The following CRY1 variants were observed in gnomAD, a reference collection of about 807,000 sequenced individuals.
CRY1 encodes the protein cryptochrome circadian regulator 1, also known as cryptochrome-1.
A neutral mutation model predicts 76.0 loss-of-function variants in CRY1; 45 were observed. The observed-to-expected ratio is 0.59, with a 90% CI of 0.47 to 0.76. The LOEUF (loss-of-function observed/expected upper bound fraction) is 0.76, where lower values mean the gene tolerates loss of function less well. CRY1 is among the 30% of genes least tolerant of loss of function. The probability of loss-of-function intolerance (pLI) is 0.00; values close to 1 mark genes in which losing one functional copy is unlikely to be tolerated. For synonymous variants in CRY1, 248 were observed against 244.0 expected (o/e 1.02, Z -0.15); for missense variants, 587 against 716.4 (o/e 0.82, Z 2.06).
At chr12:107,070,231 T>C (rs1051010405) in intron 1 of CRY1, among the ~76,000 whole-genome samples, 5 of 152,212 alleles carry the variant, frequency 3.3e-5, no homozygotes, top group Admixed American at 6.5e-5. Context: ...AACAGGTAGC[T>C]ATCATTAAGA....
chr12:107,016,296 T>A (rs551349744), intron 2 of CRY1, among the ~76,000 whole-genome samples: 4 of 152,168 alleles, frequency 2.6e-5, no homozygotes, highest in African/African-American at 7.2e-5. Context: ...GGTGACAAAG[T>A]GAGACTTGGT....
chr12:107,048,087 A>AT (rs35101973), intron 1 of CRY1, among the ~76,000 whole-genome samples: 102,872 of 149,838 alleles, frequency 0.69, 35,920 homozygotes, highest in East Asian at 0.97. Flanking sequence ...ATCCATTCAG[A>AT]TTTTTTTTTT....
At chr12:107,032,540 C>T (rs574086332) in intron 1 of CRY1, among the ~76,000 whole-genome samples, 6 of 152,070 alleles carry the variant, frequency 3.9e-5, no homozygotes, top group African/African-American at 1.4e-4. Context: ...GTCACAAATC[C>T]TCTCTGTATT....
At chr12:107,082,157 A>AAT (rs994033097) in intron 1 of CRY1, among the ~76,000 whole-genome samples, 2 of 151,988 alleles carry the variant, frequency 1.3e-5, no homozygotes, top group Admixed American at 6.6e-5. Flanking sequence ...AATTATCTTA[A>AAT]ATATATATAT....
intron 3 of CRY1, among the ~76,000 whole-genome samples, chr12:107,002,549 T>C (rs539955961): frequency 6.8e-4 from 103 of 152,174 alleles, no homozygotes; most frequent in Non-Finnish European, 1.1e-3. Context: ...TAAAATCTAC[T>C]TATTTGATTA....
intron 1 of CRY1, among the ~76,000 whole-genome samples, chr12:107,048,866 T>G (rs907872080): frequency 6.6e-6 from 1 of 152,214 alleles, no homozygotes; most frequent in African/African-American, 2.4e-5. Context: ...CTAATGTGGA[T>G]TTCCTATGAG....
intron 3 of CRY1, among the ~76,000 whole-genome samples, chr12:107,003,165 A>T (rs1952331688): frequency 6.6e-6 from 1 of 152,220 alleles, no homozygotes; most frequent in African/African-American, 2.4e-5. Context: ...TATGTCACAT[A>T]CTTAGAACAC....
At chr12:107,081,498 C>A (rs193218488) in intron 1 of CRY1, among the ~76,000 whole-genome samples, 233 of 152,086 alleles carry the variant, frequency 1.5e-3, no homozygotes, top group African/African-American at 5.2e-3. Context: ...TTTACCACCA[C>A]CTGATACATT....
At chr12:107,022,322 A>G (rs1952568672) in intron 1 of CRY1, 130 bp from the exon 2 acceptor site, 4 of 410,078 alleles carry the variant, frequency 9.8e-6, no homozygotes, top group Non-Finnish European at 1.7e-5. Flanking sequence ...ATTGATATAT[A>G]CTTTTTCCAA....
At chr12:107,088,155 A>G (rs951631946) in intron 1 of CRY1, among the ~76,000 whole-genome samples, 1 of 152,258 alleles carries the variant, frequency 6.6e-6, no homozygotes, top group Admixed American at 6.5e-5. Flanking sequence ...GTTATCCCCA[A>G]TGTTGGAGGT....
intron 1 of CRY1, among the ~76,000 whole-genome samples, chr12:107,076,943 G>T (rs186737036): frequency 6.6e-6 from 1 of 152,176 alleles, no homozygotes; most frequent in East Asian, 1.9e-4. Context: ...CTTCCACCAT[G>T]ATTGTAACCT....
chr12:107,044,776 A>G (rs1273097923), intron 1 of CRY1, among the ~76,000 whole-genome samples: 1 of 152,208 alleles, frequency 6.6e-6, no homozygotes, highest in Non-Finnish European at 1.5e-5. Context: ...TTGATCAAAA[A>G]GAAAGAATCT....
At chr12:107,080,300 T>G (rs1953306150) in intron 1 of CRY1, among the ~76,000 whole-genome samples, 1 of 151,976 alleles carries the variant, frequency 6.6e-6, no homozygotes, top group African/African-American at 2.4e-5. Flanking sequence ...CAAGCTGAGT[T>G]TGAGGTAATG....
chr12:106,993,008 G>A lies in CRY1; in HGVS notation c.1614C>T (p.His538=). The A allele has an allele frequency of 6.2e-7, 1 of 1,614,044 alleles. No homozygotes were observed. The highest frequency in any genetic ancestry group is 8.5e-7 in the Non-Finnish European group (1 of 1,179,916). Residue 538 remains histidine, a synonymous_variant, in exon 11 of 13, where the codon CAC becomes CAT. Coordinates refer to ENST00000008527, the MANE Select transcript of CRY1 (RefSeq NM_004075.5). ...TTTGCTGACTGTCGCCATGAGCATA[G>A]TGTAAAATACCACTCCCTTGAGAGC... ...GSCSQGSGIL[H]YAHGDSQQTH...
At chr12:107,082,058 G>T (rs1953332693) in intron 1 of CRY1, among the ~76,000 whole-genome samples, 1 of 151,936 alleles carries the variant, frequency 6.6e-6, no homozygotes, top group African/African-American at 2.4e-5. Context: ...CCTAGTCTCT[G>T]ATAAAACAGA....
chr12:107,003,806 G>C (rs1424608874), intron 3 of CRY1, among the ~76,000 whole-genome samples: 1 of 144,294 alleles, frequency 6.9e-6, no homozygotes, highest in Non-Finnish European at 1.5e-5. Context: ...ATAAACACTT[G>C]ATTTTTTTTT....
At chr12:107,036,557 T>C (rs542105077) in intron 1 of CRY1, among the ~76,000 whole-genome samples, 12 of 151,728 alleles carry the variant, frequency 7.9e-5, no homozygotes, top group Non-Finnish European at 1.6e-4. Context: ...CCAACTGCAA[T>C]GACTTCCCAG....
intron 1 of CRY1, among the ~76,000 whole-genome samples, chr12:107,040,927 A>G (rs1489959779): frequency 6.6e-6 from 1 of 151,686 alleles, no homozygotes; most frequent in Non-Finnish European, 1.5e-5. Context: ...TTTAAAAAAA[A>G]AAAAAAGAGA....
chr12:107,069,617 G>T (rs1433588112), intron 1 of CRY1, among the ~76,000 whole-genome samples: 1 of 74,618 alleles, frequency 1.3e-5, no homozygotes, highest in Non-Finnish European at 2.4e-5. Context: ...TATATAAAAA[G>T]TATATATATA....
Sources: gnomAD v4.1 joint callset for allele counts (sites outside exome capture counted in the v4.1 genomes callset) on GRCh38, gnomAD v4.1.1 for gene constraint, MANE v1.5 for transcripts, NCBI Gene and HGNC (gene_info 2026-07-23, HGNC 2026-07-21) for gene names.